The following COCH variants were observed in gnomAD, a reference collection of about 807,000 sequenced individuals.
The protein encoded by COCH is coagulation factor C homolog, cochlin (Limulus polyphemus).
Under a neutral mutation model 54.8 loss-of-function variants are expected in COCH, and 40 were observed. The observed-to-expected ratio is 0.73, with a 90% CI of 0.57 to 0.95. The LOEUF (loss-of-function observed/expected upper bound fraction) is 0.95, where lower values mean the gene tolerates loss of function less well. COCH is among the 40% of genes least tolerant of loss of function. The probability of loss-of-function intolerance (pLI) is 0.00; values close to 1 mark genes in which losing one functional copy is unlikely to be tolerated. For missense variants in COCH, 605 were observed against 675.0 expected (o/e 0.90, Z 1.15); for synonymous variants, 256 against 237.9 (o/e 1.08, Z -0.70).
downstream of COCH, among the ~76,000 whole-genome samples, chr14:30,891,075 C>T (rs12884979): frequency 0.8 from 121,997 of 151,994 alleles, 49,389 homozygotes; most frequent in Middle Eastern, 0.89. Flanking sequence ...ACAAGTTTAT[C>T]GAATACCTAC....
intron 8 of COCH, 37 bp downstream of exon 8, chr14:30,880,771 A>C: frequency 6.6e-7 from 1 of 1,516,642 alleles, no homozygotes; most frequent in Non-Finnish European, 9.1e-7. Context: ...TTAAAAAAAA[A>C]ATTATTTTGT....
At chr14:30,882,119 G>GTTT (rs1566410309) in intron 8 of COCH, among the ~76,000 whole-genome samples, 3 of 84,874 alleles carry the variant, frequency 3.5e-5, no homozygotes, top group African/African-American at 1.2e-4. Flanking sequence ...ACTATAAAAT[G>GTTT]GTTTTTTTTT....
chr14:30,885,097 C>A, intron 9 of COCH: 1 of 1,565,908 alleles, frequency 6.4e-7, no homozygotes. Context: ...AAGTGGGAAT[C>A]AGTTTTGTGT....
chr14:30,874,828 CG>C, intron 1 of COCH, 87 bp from the exon 2 acceptor site: 2 of 1,298,156 alleles, frequency 1.5e-6, no homozygotes, highest in Non-Finnish European at 1.1e-6. Flanking sequence ...GCGCCGCGCC[CG>C]GGGATCCGAA....
chr14:30,895,208 T>C (rs1896109825), downstream of COCH: 4 of 587,366 alleles, frequency 6.8e-6, no homozygotes, highest in East Asian at 2.9e-5. Flanking sequence ...AGTCCTTTTT[T>C]CTTTGTCCCA....
rs1418880737 is a variant in COCH, at chr14:30,878,873, A to C, written c.302A>C (p.Tyr101Ser). Residue 101 changes from tyrosine to serine, a missense_variant, in exon 5 of 12, where the codon TAT (tyrosine) becomes TCT (serine). By Grantham distance (144) the Tyr-to-Ser change is moderately radical. Coordinates refer to ENST00000396618, the MANE Select transcript of COCH (RefSeq NM_004086.3). ...RVYSLPGREN[Y>S]SSVDANGIQS... ...TATAGCCTACCTGGTCGAGAAAACTATTCCTCAGTAGATGCCAATGGCATC... is the reference window on the plus strand; with the variant it reads ...TATAGCCTACCTGGTCGAGAAAACTCTTCCTCAGTAGATGCCAATGGCATC... The C allele has an allele frequency of 1.9e-6, 3 of 1,614,166 alleles. No homozygotes were observed. The highest frequency in any genetic ancestry group is 2.2e-5 in the South Asian group (2 of 91,086).
In COCH at chr14:30,889,735, AT is replaced by A. The variant is rs1566416311; in HGVS notation, c.1599del (p.Ile533MetfsTer14). 6.2e-7 allele frequency: 1 copy of A among 1,613,754 alleles called. No homozygotes were observed. The highest frequency in any genetic ancestry group is 1.1e-5 in the South Asian group (1 of 91,078). On this transcript the variant is annotated frameshift_variant, in exon 12 of 12. Coordinates refer to ENST00000396618, the MANE Select transcript of COCH (RefSeq NM_004086.3). LOFTEE classifies it high-confidence loss of function. ...AAGAGAGTTCACAGGATTAGAACCAATTGTTTCTGATGTCATCAGAGGCATT... is the reference window on the plus strand; with the variant it reads ...AAGAGAGTTCACAGGATTAGAACCAATGTTTCTGATGTCATCAGAGGCATT... ...FTREFTGLEP[I>X]VSDVIRGICR...
At chr14:30,887,499 AC>A (rs1318651711) in intron 11 of COCH, among the ~76,000 whole-genome samples, 1 of 151,998 alleles carries the variant, frequency 6.6e-6, no homozygotes, top group Non-Finnish European at 1.5e-5. Flanking sequence ...TTTCTTCCTC[AC>A]CCCAGCCTTA....
rs1296900745 is a variant in COCH at position 30,885,433 on chromosome 14, T to G, written c.773T>G (p.Val258Gly). ...LKHTAQKFFT[V>G]DAGVRKGIPK... The stretch of plus-strand genomic sequence containing the variant: ...CATACTGCTCAGAAATTCTTCACGG[T>G]AGATGCTGGAGTAAGAAAAGGGATC... Residue 258 changes from valine to glycine, a missense_variant, in exon 10 of 12, where the codon GTA becomes GGA. Coordinates refer to ENST00000396618, the MANE Select transcript of COCH (RefSeq NM_004086.3). 3 of 1,614,150 alleles carry G rather than the reference T, an allele frequency of 1.9e-6. No homozygotes were observed. In the Admixed American group the frequency reaches 5.0e-5, roughly 27 times the overall value.
downstream of COCH, among the ~76,000 whole-genome samples, chr14:30,890,850 C>T (rs1895958236): frequency 6.6e-6 from 1 of 151,824 alleles, no homozygotes; most frequent in Non-Finnish European, 1.5e-5. Flanking sequence ...CCAGCCTGGG[C>T]AACATAGTGA....
downstream of COCH, among the ~76,000 whole-genome samples, chr14:30,891,950 T>C (rs1024090477): frequency 6.6e-5 from 10 of 152,206 alleles, no homozygotes; most frequent in Non-Finnish European, 1.5e-4. Context: ...ATTTCAAATA[T>C]GCTGGCCCAT....
chr14:30,885,695 C>A, intron 10 of COCH, 75 bp downstream of exon 10: 2 of 1,500,824 alleles, frequency 1.3e-6, no homozygotes, highest in Non-Finnish European at 1.9e-6. Context: ...GTGCTGACTG[C>A]CTCTTATCTA....
Position 30,874,918 on chromosome 14 carries a change from G to T in COCH, c.-21G>T. 1 of 1,613,516 alleles carries T rather than the reference G, an allele frequency of 6.2e-7. No homozygotes were observed. On this transcript the variant is annotated splice_region_variant and 5_prime_UTR_variant, in exon 2 of 12. Coordinates refer to ENST00000396618, the MANE Select transcript of COCH (RefSeq NM_004086.3). The stretch of plus-strand genomic sequence containing the variant: ...CCCGCATTCTCCCTCTCTCCCAGGT[G>T]TGAGCAGCCTATCAGTCACCATGTC...
At chr14:30,893,237 C>T (rs960918497), downstream of COCH, among the ~76,000 whole-genome samples, 1 of 150,754 alleles carries the variant, frequency 6.6e-6, no homozygotes, top group Non-Finnish European at 1.5e-5. Flanking sequence ...CTGCAAGCTC[C>T]GCCTCCCGGA....
At chr14:30,891,279 CA>C (rs1330719492), downstream of COCH, among the ~76,000 whole-genome samples, 1 of 152,124 alleles carries the variant, frequency 6.6e-6, no homozygotes, top group African/African-American at 2.4e-5. Flanking sequence ...AGGCCTCTCC[CA>C]AAAGACAGAG....
At chr14:30,889,523 A>G in intron 11 of COCH, 93 bp from the exon 12 acceptor site, 4 of 1,141,456 alleles carry the variant, frequency 3.5e-6, no homozygotes, top group Non-Finnish European at 5.2e-6. Flanking sequence ...TTTTCGCTGC[A>G]ACTATGTAAC....
In COCH at chr14:30,875,077, C is replaced by G. The variant is rs200522736; in HGVS notation, c.56C>G (p.Pro19Arg). The G allele has an allele frequency of 6.3e-7, 1 of 1,591,020 alleles. No individual in the cohort carries two copies. The highest frequency in any genetic ancestry group is 2.3e-5 in the East Asian group (1 of 43,914). ...GCAGGTGTGTGTCTGCTGCTGCTGC[C>G]GGGGCCCGCGGGCAGCGAGGGAGCC... Reference protein sequence around the residue: ...LGLGVCLLLLPGPAGSEGAAP... With the variant: ...LGLGVCLLLLRGPAGSEGAAP... Residue 19 changes from proline to arginine, a missense_variant, in exon 3 of 12, where the codon CCG (proline) becomes CGG (arginine). Transcript: ENST00000396618.
At position 30,890,606 on chromosome 14, in the gene COCH, T is replaced by C; in HGVS notation, c.*815T>C. Reference sequence around the variant, plus strand: ...AATATTTAAGCAATAAAACTGCTAGTGAGTTATTGTAAGCTGGCTTACTTT... The same window carrying C: ...AATATTTAAGCAATAAAACTGCTAGCGAGTTATTGTAAGCTGGCTTACTTT... On this transcript the variant is annotated 3_prime_UTR_variant, in exon 12 of 12. Coordinates refer to ENST00000396618, the MANE Select transcript of COCH (RefSeq NM_004086.3). The C allele has an allele frequency of 1.0e-6, 1 of 970,552 alleles. No homozygotes were observed. Among genetic ancestry groups the C allele is most frequent in the Non-Finnish European group, 1.2e-6 (1 of 816,138 alleles). 60.1% of individuals were successfully genotyped at this position (970,552 alleles called of 1,614,324 possible). A position where few individuals can be genotyped will look rare whatever the true frequency, so the allele number is the denominator to read the frequency against.
intron 11 of COCH, 181 bp from the exon 12 acceptor site, chr14:30,889,435 C>T (rs1160439048): frequency 4.9e-6 from 3 of 609,918 alleles, no homozygotes; most frequent in Non-Finnish European, 8.8e-6. Context: ...TTGGACCACT[C>T]TTTTGCCACT....
Sources: allele counts gnomAD v4.1 joint callset (sites outside exome capture counted in the v4.1 genomes callset), GRCh38; gene constraint gnomAD v4.1.1; transcripts MANE v1.5; gene names NCBI Gene and HGNC (gene_info 2026-07-23, HGNC 2026-07-21).